INVS: variants seen among roughly 807,000 people sequenced by gnomAD.
The protein encoded by INVS is inversin, also known as inversion of embryo turning homolog.
In INVS, 86 loss-of-function variants were observed where a neutral mutation model predicts 108.8. The observed-to-expected ratio is 0.79, with a 90% CI of 0.66 to 0.95. The LOEUF is 0.95. Among genes scored for constraint, INVS ranks in the 40% least tolerant of loss-of-function variants. The pLI is 0.00. For synonymous variants in INVS, 455 were observed against 473.5 expected (o/e 0.96, Z 0.51); for missense variants, 1,169 against 1,297.4 (o/e 0.90, Z 1.52).
chr9:100,291,871 T>G lies in INVS; in HGVS notation c.2069-455T>G, dbSNP rs955442326. ...TCCCTTCAAGAGTGCTGGCTTCATG[T>G]AGAGTCTTGGTTCCAGTTAACTTTC... On this transcript the variant is annotated intron_variant, in intron 13 of 16. Transcript: ENST00000262457. 9.2e-5 allele frequency among the ~76,000 whole-genome samples: 14 copies of G among 152,222 alleles called. No homozygotes were observed. In the South Asian group the frequency reaches 1.0e-3, roughly 11 times the overall value.
intron 7 of INVS, among the ~76,000 whole-genome samples, chr9:100,245,662 A>G (rs1376316575): frequency 6.6e-6 from 1 of 152,224 alleles, no homozygotes; most frequent in African/African-American, 2.4e-5. Context: ...GTTTTAATGA[A>G]TTCAGCACTG....
intron 3 of INVS, among the ~76,000 whole-genome samples, chr9:100,185,292 A>T (rs887970075): frequency 6.6e-6 from 1 of 151,790 alleles, no homozygotes; most frequent in African/African-American, 2.4e-5. Context: ...TGTGTAATAA[A>T]TGTACCTACT....
At chr9:100,229,182 T>G (rs1831431727) in intron 4 of INVS, among the ~76,000 whole-genome samples, 1 of 152,328 alleles carries the variant, frequency 6.6e-6, no homozygotes, top group South Asian at 2.1e-4. Context: ...AGGAAACACT[T>G]CATAGCTGCT....
At chr9:100,138,700 CTTTTTTT>C (rs36096327) in intron 3 of INVS, among the ~76,000 whole-genome samples, 2 of 124,940 alleles carry the variant, frequency 1.6e-5, no homozygotes, top group South Asian at 5.2e-4. Context: ...TGATGGTTTC[CTTTTTTT>C]TTTTTTTTTT....
intron 3 of INVS, among the ~76,000 whole-genome samples, chr9:100,197,763 G>T (rs935472854): frequency 2.0e-4 from 30 of 152,196 alleles, no homozygotes; most frequent in Non-Finnish European, 2.9e-5. Context: ...TTCCTCCAGG[G>T]TATGGGGCAA....
rs550765678 is a variant in INVS at position 100,207,072 on chromosome 9, G to A, written c.274-18990G>A. 6.6e-5 allele frequency among the ~76,000 whole-genome samples: 10 copies of A among 152,220 alleles called. No individual in the cohort carries two copies. The South Asian group carries it at 2.1e-3, about 32-fold the overall frequency. On this transcript the variant is annotated intron_variant, in intron 3 of 16. Coordinates refer to ENST00000262457, the MANE Select transcript of INVS (RefSeq NM_014425.5). ...TTGGATTATTCACTTGAATAAAGGA[G>A]CTCCTGCCAGGTTCCTCTGCTGTGA...
intron 3 of INVS, among the ~76,000 whole-genome samples, chr9:100,162,756 G>T (rs544148543): frequency 1.3e-5 from 2 of 152,104 alleles, no homozygotes; most frequent in Admixed American, 1.3e-4. Flanking sequence ...GAACCTGGGA[G>T]GCGGAGGTTG....
At chr9:100,276,583 A>G (rs1428674280) in intron 12 of INVS, among the ~76,000 whole-genome samples, 2 of 151,870 alleles carry the variant, frequency 1.3e-5, no homozygotes, top group Admixed American at 1.3e-4. Context: ...ATCTCAGCTC[A>G]CTGCAACCTC....
At chr9:100,278,325 A>G (rs1013670535) in intron 12 of INVS, among the ~76,000 whole-genome samples, 1 of 151,602 alleles carries the variant, frequency 6.6e-6, no homozygotes, top group East Asian at 1.9e-4. Flanking sequence ...CCTCTGCCTG[A>G]AATAACCTCT....
In INVS at chr9:100,196,670, T is replaced by C. The variant is rs528193907; in HGVS notation, c.274-29392T>C. Among the ~76,000 whole-genome samples the C allele has an allele frequency of 1.1e-3, 165 of 148,722 alleles. 4 individuals are homozygous for C. The South Asian group carries it at 0.031, about 28-fold the overall frequency. Reference sequence around the variant, plus strand: ...TTAGGTCAATGATTTTATATAATCATTATTATGATAAAATTATTATAAAAT... The same window carrying C: ...TTAGGTCAATGATTTTATATAATCACTATTATGATAAAATTATTATAAAAT... On this transcript the variant is annotated intron_variant, in intron 3 of 16. Transcript: ENST00000262457.
rs58556710 is a variant in INVS, at chr9:100,209,769, CAAAAAAAAAAAA to C, written c.274-16278_274-16267del. On this transcript the variant is annotated intron_variant, in intron 3 of 16. Coordinates refer to ENST00000262457, the MANE Select transcript of INVS (RefSeq NM_014425.5). ...TGGGCAACAGAACGAGACTCCGTCT[CAAAAAAAAAAAA>C]AAAAAAAAAAAAAATCCTTCAGTAC... is the stretch of plus-strand genomic sequence containing the variant. Among the ~76,000 whole-genome samples, 43 of 72,310 alleles carry C rather than the reference CAAAAAAAAAAAA, an allele frequency of 5.9e-4. No homozygotes were observed. In the East Asian group the frequency reaches 0.013, roughly 21 times the overall value. The allele number at this position is 72,310 out of a possible 152,430, so 47.4% of individuals were successfully genotyped here. A position where few individuals can be genotyped will look rare whatever the true frequency, so the allele number is the denominator to read the frequency against.
intron 10 of INVS, among the ~76,000 whole-genome samples, chr9:100,264,560 G>A (rs1832724254): frequency 2.0e-5 from 3 of 151,170 alleles, no homozygotes; most frequent in Middle Eastern, 3.4e-3. Context: ...GGAGGTTGCA[G>A]TGAGCTGAGA....
At chr9:100,229,193 C>A (rs933876072) in intron 4 of INVS, among the ~76,000 whole-genome samples, 1 of 152,194 alleles carries the variant, frequency 6.6e-6, no homozygotes, top group South Asian at 2.1e-4. Flanking sequence ...CATAGCTGCT[C>A]TTTGGCATAT....
At position 100,300,613 on chromosome 9, in the gene INVS, C is replaced by A; in HGVS notation, c.3137C>A (p.Ser1046Ter). 3.7e-6 allele frequency: 6 copies of A among 1,613,898 alleles called. No individual in the cohort carries two copies. Among genetic ancestry groups the A allele is most frequent in the Non-Finnish European group, 5.1e-6 (6 of 1,179,862 alleles). ...CATCTCCTTGAGAACAGTGGAAGAT[C>A]AAAGAACTTTTCTTATAACCTGCAA... ...CIHLLENSGR[S>*]KNFSYNLQSA... Residue 1046 changes from serine to a stop codon, truncating the protein, a stop_gained, in exon 17 of 17, where the codon TCA becomes TAA. Coordinates refer to ENST00000262457, the MANE Select transcript of INVS (RefSeq NM_014425.5). LOFTEE classifies it high-confidence loss of function.
intron 2 of INVS, among the ~76,000 whole-genome samples, chr9:100,115,659 G>A (rs977082477): frequency 1.3e-5 from 2 of 152,162 alleles, no homozygotes; most frequent in African/African-American, 4.8e-5. Flanking sequence ...ATTCCATGGT[G>A]TATATGTGCC....
intron 10 of INVS, among the ~76,000 whole-genome samples, chr9:100,264,596 C>T (rs920157911): frequency 6.9e-6 from 1 of 144,066 alleles, no homozygotes. Flanking sequence ...CCAGCCTGAG[C>T]GACGAGAGCG....
At chr9:100,100,108 CTTG>C (rs1350766861) in intron 1 of INVS, among the ~76,000 whole-genome samples, 2 of 152,014 alleles carry the variant, frequency 1.3e-5, no homozygotes, top group Non-Finnish European at 2.9e-5. Context: ...ATTACACGGG[CTTG>C]TTGTATAATT....
intron 12 of INVS, among the ~76,000 whole-genome samples, chr9:100,277,169 G>C (rs904373708): frequency 1.3e-5 from 2 of 152,196 alleles, no homozygotes; most frequent in Non-Finnish European, 2.9e-5. Flanking sequence ...TCTAGCAAAA[G>C]TTCTTTTCTA....
chr9:100,294,617 A>G (rs1283908172), intron 14 of INVS, among the ~76,000 whole-genome samples: 1 of 152,002 alleles, frequency 6.6e-6, no homozygotes, highest in Non-Finnish European at 1.5e-5. Context: ...CAGCACTTGA[A>G]CCTCTGGCTG....
Sources: gnomAD v4.1 joint callset for allele counts (sites outside exome capture counted in the v4.1 genomes callset) on GRCh38, gnomAD v4.1.1 for gene constraint, MANE v1.5 for transcripts, NCBI Gene and HGNC (gene_info 2026-07-23, HGNC 2026-07-21) for gene names.